SECISBP2: variants seen among roughly 807,000 people sequenced by gnomAD.
The protein encoded by SECISBP2 is selenocysteine insertion sequence-binding protein 2.
A neutral mutation model predicts 98.2 loss-of-function variants in SECISBP2; 96 were observed. That is an observed-to-expected ratio of 0.98 (90% CI 0.83 to 1.16). The LOEUF (loss-of-function observed/expected upper bound fraction) is 1.16. Ranked by LOEUF, SECISBP2 falls within the 50% of genes most tolerant of loss-of-function variation. The probability of loss-of-function intolerance (pLI) is 0.00; values close to 1 mark genes in which losing one functional copy is unlikely to be tolerated. For missense variants in SECISBP2, 1,046 were observed against 1,022.9 expected (o/e 1.02, Z -0.31); for synonymous variants, 407 against 370.2 (o/e 1.10, Z -1.14).
intron 4 of SECISBP2, 144 bp downstream of exon 4, chr9:89,326,182 C>A: frequency 1.1e-6 from 1 of 935,462 alleles, no homozygotes; most frequent in Non-Finnish European, 1.7e-6. Context: ...CAGCTTAGGG[C>A]GTCAGACTTC....
chr9:89,366,930 C>G, the SECISBP2 span, among the ~76,000 whole-genome samples: 6 of 152,100 alleles, frequency 3.9e-5, no homozygotes, highest in African/African-American at 1.4e-4. Flanking sequence ...ATCTGGGTGG[C>G]CTAAGCTGGA....
At position 89,349,923 on chromosome 9, in the gene SECISBP2, T is replaced by C; in HGVS notation, c.1886T>C (p.Phe629Ser). The change falls in exon 13 of 17, where the codon TTC becomes TCC. Residue 629 changes from phenylalanine to serine, a missense_variant. Phe to Ser is a radical substitution (Grantham distance 155, BLOSUM62 -2). Transcript: ENST00000375807. ...TTFPKIHSRR[F>S]RDYCSQMLSK... is the part of the protein sequence containing the mutation. ...TTCCCTAAGATCCACAGCCGCAGAT[T>C]CAGGGAGTGAGTGAGCCCCTGCCTG... The C allele has an allele frequency of 1.9e-6, 3 of 1,614,102 alleles. No homozygotes were observed. The highest frequency in any genetic ancestry group is 2.5e-6 in the Non-Finnish European group (3 of 1,179,966).
chr9:89,352,614 T>C (rs940677523), intron 14 of SECISBP2, among the ~76,000 whole-genome samples: 7 of 152,256 alleles, frequency 4.6e-5, no homozygotes, highest in African/African-American at 1.7e-4. Flanking sequence ...AATTTTTGCT[T>C]TGAATCCTCT....
chr9:89,362,239 G>T, downstream of SECISBP2: 1 of 1,224,536 alleles, frequency 8.2e-7, no homozygotes, highest in African/African-American at 1.5e-5. Context: ...CCACTGTCCC[G>T]CCTCTGCCCA....
At chr9:89,319,585 C>T in intron 1 of SECISBP2, 67 bp from the exon 2 acceptor site, 1 of 1,577,814 alleles carries the variant, frequency 6.3e-7, no homozygotes, top group Non-Finnish European at 8.7e-7. Context: ...CCTCTTGGGT[C>T]TTTTTGTTTG....
chr9:89,347,123 C>T, intron 11 of SECISBP2, 75 bp downstream of exon 11: 2 of 1,490,436 alleles, frequency 1.3e-6, no homozygotes, highest in South Asian at 2.4e-5. Context: ...TCTCCCAGCT[C>T]TTAGATTTTT....
Position 89,359,083 on chromosome 9 carries a change from G to A in SECISBP2, c.*259G>A. On this transcript the variant is annotated 3_prime_UTR_variant, in exon 17 of 17. Coordinates refer to ENST00000375807, the MANE Select transcript of SECISBP2 (RefSeq NM_024077.5). ...GCTCTGGCTTTCTGAGCACACTACG[G>A]ATCTGGAAAATACTGGAAAATGTGA... is the stretch of plus-strand genomic sequence containing the variant. 2.0e-6 allele frequency: 1 copy of A among 492,948 alleles called. No individual in the cohort carries two copies. The highest frequency in any genetic ancestry group is 3.7e-6 in the Non-Finnish European group (1 of 272,658). 30.5% of individuals were successfully genotyped at this position (492,948 alleles called of 1,614,324 possible).
At chr9:89,363,171 G>A (rs1832979726), downstream of SECISBP2, among the ~76,000 whole-genome samples, 1 of 152,210 alleles carries the variant, frequency 6.6e-6, no homozygotes, top group African/African-American at 2.4e-5. Flanking sequence ...CCCCACCTGT[G>A]AGTCCCTCCC....
At position 89,326,045 on chromosome 9, in the gene SECISBP2, A is replaced by G. The variant is rs749975073; in HGVS notation, c.574+7A>G. ...GAGAATAGTTTGAAATCAGGTAAAA[A>G]TAACCAACAATGTAGTATAATGCGA... On this transcript the variant is annotated splice_region_variant and intron_variant, in intron 4 of 16. Coordinates refer to ENST00000375807, the MANE Select transcript of SECISBP2 (RefSeq NM_024077.5). 6.2e-7 allele frequency: 1 copy of G among 1,611,372 alleles called. No individual in the cohort carries two copies. Among genetic ancestry groups the G allele is most frequent in the Non-Finnish European group, 8.5e-7 (1 of 1,179,942 alleles).
chr9:89,347,548 C>A (rs1041924308), intron 11 of SECISBP2, among the ~76,000 whole-genome samples: 2 of 147,250 alleles, frequency 1.4e-5, no homozygotes, highest in Non-Finnish European at 3.0e-5. Flanking sequence ...TCTCGGCTCA[C>A]TGCAACCTCA....
chr9:89,328,532 T>A, intron 4 of SECISBP2, 128 bp from the exon 5 acceptor site: 2 of 727,130 alleles, frequency 2.8e-6, no homozygotes, highest in South Asian at 3.1e-5. Context: ...CCGGTAAGAG[T>A]TACGGTGTTT....
chr9:89,360,883 C>T (rs1409378495), downstream of SECISBP2: 6 of 152,218 alleles, frequency 3.9e-5, no homozygotes, highest in Non-Finnish European at 8.8e-5. Context: ...GAACACTCCA[C>T]ATTACGAAAA....
chr9:89,360,320 G>C (rs534163789), downstream of SECISBP2, among the ~76,000 whole-genome samples: 1 of 152,318 alleles, frequency 6.6e-6, no homozygotes, highest in African/African-American at 2.4e-5. Context: ...TAAATAGCAA[G>C]TTGTGGTAAG....
chr9:89,338,431 AT>A, intron 7 of SECISBP2, 26 bp from the exon 8 acceptor site: 2 of 1,612,494 alleles, frequency 1.2e-6, no homozygotes, highest in Non-Finnish European at 1.7e-6. Flanking sequence ...TAAAAACAGG[AT>A]TTTTTGCTTT....
intron 9 of SECISBP2, 83 bp downstream of exon 9, chr9:89,340,036 G>C (rs1286117304): frequency 1.0e-6 from 1 of 977,784 alleles, no homozygotes; most frequent in Non-Finnish European, 1.6e-6. Context: ...CTGCTTTCCA[G>C]ACATTTCTGT....
At chr9:89,346,678 CTAAG>C (rs1369480249) in intron 10 of SECISBP2, among the ~76,000 whole-genome samples, 200 bp from the exon 11 acceptor site, 1 of 133,644 alleles carries the variant, frequency 7.5e-6, no homozygotes, top group Non-Finnish European at 1.8e-5. Flanking sequence ...CCAAAAGATA[CTAAG>C]TTTCATTTGG....
chr9:89,364,064 G>A (rs545371470), downstream of SECISBP2: 41 of 1,593,826 alleles, frequency 2.6e-5, no homozygotes, highest in African/African-American at 4.3e-4. Context: ...GAAGTGACTT[G>A]GGACAACTTC....
intron 5 of SECISBP2, among the ~76,000 whole-genome samples, chr9:89,331,857 G>A (rs1827806540): frequency 6.6e-6 from 1 of 152,158 alleles, no homozygotes; most frequent in South Asian, 2.1e-4. Context: ...ACTATGTGTG[G>A]TGTGATTCCA....
At chr9:89,352,433 T>G (rs1831425891) in intron 14 of SECISBP2, among the ~76,000 whole-genome samples, 1 of 152,248 alleles carries the variant, frequency 6.6e-6, no homozygotes, top group Non-Finnish European at 1.5e-5. Flanking sequence ...AAAGGATTCA[T>G]GGGAGGCATA....
Sources: gnomAD v4.1 joint callset for allele counts (sites outside exome capture counted in the v4.1 genomes callset) on GRCh38, gnomAD v4.1.1 for gene constraint, MANE v1.5 for transcripts, NCBI Gene and HGNC (gene_info 2026-07-23, HGNC 2026-07-21) for gene names.